The following AKAP6 variants were observed in gnomAD, a reference collection of about 807,000 sequenced individuals.
The protein encoded by AKAP6 is A-kinase anchoring protein 6.
Under a neutral mutation model 188.5 loss-of-function variants are expected in AKAP6, and 58 were observed. The observed-to-expected ratio is 0.31, with a 90% CI of 0.25 to 0.38. AKAP6 has a LOEUF of 0.38. Ranked by LOEUF, AKAP6 falls within the 10% of genes least tolerant of loss-of-function variation. The probability of loss-of-function intolerance (pLI) is 1.00; values close to 1 mark genes in which losing one functional copy is unlikely to be tolerated. For missense variants in AKAP6, 2,710 were observed against 2,740.0 expected, an observed-to-expected ratio of 0.99 and a Z score of 0.24; for synonymous variants, 989 against 998.6, an observed-to-expected ratio of 0.99 and a Z score of 0.18.
At chr14:32,723,142 C>T (rs1463446362) in intron 9 of AKAP6, among the ~76,000 whole-genome samples, 1 of 152,200 alleles carries the variant, frequency 6.6e-6, no homozygotes, top group African/African-American at 2.4e-5. Flanking sequence ...TATCACAAGT[C>T]TTGTGAAGGG....
In AKAP6 at chr14:32,352,103, TTGTGTGTG is replaced by T. The variant is rs398024717; in HGVS notation, c.-35+22720_-35+22727del. On this transcript the variant is annotated intron_variant, in intron 1 of 13. Coordinates refer to ENST00000280979, the MANE Select transcript of AKAP6 (RefSeq NM_004274.5). ...TGTGTGTGTGTGTGTGTGTGTGTGT[TTGTGTGTG>T]TGTGTGTGTGTGTGTGTGTGTGTGA... 4.3e-3 allele frequency among the ~76,000 whole-genome samples: 519 copies of T among 120,378 alleles called. 4 individuals carry two copies. The highest frequency in any genetic ancestry group is 0.041 in the South Asian group (157 of 3,840). The allele number at this position is 120,378 out of a possible 152,430, so 79.0% of individuals were successfully genotyped here. A position where few individuals can be genotyped will look rare whatever the true frequency, so the allele number is the denominator to read the frequency against.
chr14:32,469,613 G>C (rs1437467124), intron 2 of AKAP6, among the ~76,000 whole-genome samples: 1 of 151,192 alleles, frequency 6.6e-6, no homozygotes, highest in Admixed American at 6.6e-5. Context: ...ACCTACTGTT[G>C]ATAAAGAAAC....
At chr14:32,489,535 A>G (rs1224401243) in intron 2 of AKAP6, among the ~76,000 whole-genome samples, 2 of 152,162 alleles carry the variant, frequency 1.3e-5, no homozygotes, top group African/African-American at 2.4e-5. Flanking sequence ...AAATTGCTAC[A>G]TATGTGTATA....
intron 1 of AKAP6, among the ~76,000 whole-genome samples, chr14:32,407,638 A>G (rs1889340673): frequency 6.6e-6 from 1 of 152,118 alleles, no homozygotes; most frequent in South Asian, 2.1e-4. Flanking sequence ...CCGCTTCCTG[A>G]TCTATCTCTC....
chr14:32,560,269 T>C (rs1347935759), intron 4 of AKAP6, among the ~76,000 whole-genome samples: 1 of 152,220 alleles, frequency 6.6e-6, no homozygotes, highest in Non-Finnish European at 1.5e-5. Context: ...AAAAACTGTA[T>C]ATTAACATTG....
chr14:32,334,278 G>A (rs886543449), intron 1 of AKAP6, among the ~76,000 whole-genome samples: 5 of 152,086 alleles, frequency 3.3e-5, no homozygotes, highest in East Asian at 1.9e-4. Flanking sequence ...TAAATTATGC[G>A]CTGTTCTGCA....
chr14:32,786,698 T>G (rs2033434162), intron 12 of AKAP6, among the ~76,000 whole-genome samples: 1 of 152,042 alleles, frequency 6.6e-6, no homozygotes, highest in African/African-American at 2.4e-5. Context: ...CTCATATAAG[T>G]CCTCTGAATA....
At chr14:32,817,319 C>A (rs1242802963) in intron 12 of AKAP6, among the ~76,000 whole-genome samples, 1 of 152,236 alleles carries the variant, frequency 6.6e-6, no homozygotes, top group Admixed American at 6.5e-5. Flanking sequence ...TCATCATAAT[C>A]ATTTCTCCAC....
chr14:32,681,096 C>T (rs1889655210), intron 8 of AKAP6, among the ~76,000 whole-genome samples: 1 of 152,120 alleles, frequency 6.6e-6, no homozygotes, highest in African/African-American at 2.4e-5. Flanking sequence ...TTTTTTCATC[C>T]AATAAATATT....
chr14:32,596,164 T>C (rs1261397749), intron 5 of AKAP6, among the ~76,000 whole-genome samples: 1 of 152,162 alleles, frequency 6.6e-6, no homozygotes, highest in Admixed American at 6.5e-5. Context: ...CATTTAAGCT[T>C]TTGAATGTGC....
intron 4 of AKAP6, among the ~76,000 whole-genome samples, chr14:32,570,726 T>A (rs1884440242): frequency 1.3e-5 from 2 of 152,224 alleles, no homozygotes; most frequent in Non-Finnish European, 2.9e-5. Flanking sequence ...ATAAACTAAA[T>A]GACTCAAATT....
At chr14:32,391,328 G>A (rs1196076029) in intron 1 of AKAP6, among the ~76,000 whole-genome samples, 1 of 152,154 alleles carries the variant, frequency 6.6e-6, no homozygotes, top group Non-Finnish European at 1.5e-5. Flanking sequence ...TCTTGGTCTT[G>A]AGTCTTCAGC....
At chr14:32,804,952 C>T (rs1479025439) in intron 12 of AKAP6, among the ~76,000 whole-genome samples, 1 of 152,144 alleles carries the variant, frequency 6.6e-6, no homozygotes, top group African/African-American at 2.4e-5. Flanking sequence ...GCAGTCAGAC[C>T]TTATGGTTGT....
At chr14:32,387,349 T>C (rs1212398198) in intron 1 of AKAP6, among the ~76,000 whole-genome samples, 2 of 151,976 alleles carry the variant, frequency 1.3e-5, no homozygotes, top group Non-Finnish European at 2.9e-5. Flanking sequence ...GTGATGAGAG[T>C]AGGCATTCTT....
chr14:32,354,876 G>A (rs142074007), intron 1 of AKAP6, among the ~76,000 whole-genome samples: 1 of 152,164 alleles, frequency 6.6e-6, no homozygotes, highest in Non-Finnish European at 1.5e-5. Flanking sequence ...ATGCCATCCC[G>A]GGGAGTTGCC....
chr14:32,799,664 G>A (rs376460609), intron 12 of AKAP6, among the ~76,000 whole-genome samples: 26 of 151,948 alleles, frequency 1.7e-4, no homozygotes, highest in African/African-American at 2.9e-4. Flanking sequence ...CATTATGGTC[G>A]GAGAGCATTC....
intron 11 of AKAP6, among the ~76,000 whole-genome samples, chr14:32,761,416 A>T (rs928243826): frequency 6.6e-6 from 1 of 152,176 alleles, no homozygotes; most frequent in Non-Finnish European, 1.5e-5. Context: ...GACGAGTTCT[A>T]GGAGTGGCTT....
intron 12 of AKAP6, among the ~76,000 whole-genome samples, chr14:32,789,934 G>A (rs926049252): frequency 6.6e-6 from 1 of 152,146 alleles, no homozygotes; most frequent in East Asian, 1.9e-4. Flanking sequence ...TGAGCTACAG[G>A]AGCATGTTGT....
At position 32,823,292 on chromosome 14, in the gene AKAP6, G is replaced by T; in HGVS notation, c.5479G>T (p.Gly1827Cys). 1 of 1,613,710 alleles carries T rather than the reference G, an allele frequency of 6.2e-7. No homozygotes were observed. Among genetic ancestry groups the T allele is most frequent in the Non-Finnish European group, 8.5e-7 (1 of 1,179,900 alleles). ...KRCNVSDEMK[G>C]SKDISSSEMT... Reference sequence around the variant, plus strand: ...GTGCAATGTCAGTGATGAGATGAAGGGCAGTAAAGATATAAGTAGCAGTGA... The same window carrying T: ...GTGCAATGTCAGTGATGAGATGAAGTGCAGTAAAGATATAAGTAGCAGTGA... The change falls in exon 13 of 14, where the codon GGC becomes TGC. Residue 1827 changes from glycine to cysteine, a missense_variant. Gly to Cys is a radical substitution (Grantham distance 159, BLOSUM62 -3). Transcript: ENST00000280979.
Sources: allele counts gnomAD v4.1 joint callset (sites outside exome capture counted in the v4.1 genomes callset), GRCh38; gene constraint gnomAD v4.1.1; transcripts MANE v1.5; gene names NCBI Gene and HGNC (gene_info 2026-07-23, HGNC 2026-07-21).